The following JADE2 variants were observed in gnomAD, a reference collection of about 807,000 sequenced individuals.
The protein encoded by JADE2 is E3 ubiquitin-protein ligase Jade-2.
Under a neutral mutation model 85.7 loss-of-function variants are expected in JADE2, and 13 were observed. That is an observed-to-expected ratio of 0.15 (90% CI 0.10 to 0.24). The LOEUF (loss-of-function observed/expected upper bound fraction) is 0.24, where lower values mean the gene tolerates loss of function less well. JADE2 is among the 10% of genes least tolerant of loss of function. The pLI, the probability that JADE2 is intolerant of heterozygous loss-of-function variation, is 1.00. For synonymous variants in JADE2, 440 were observed against 456.1 expected (o/e 0.96, Z 0.45); for missense variants, 846 against 1,115.9 (o/e 0.76, Z 3.45).
chr5:134,535,937 T>A (rs1473987638), intron 2 of JADE2, 22 bp downstream of exon 2: 6 of 1,608,000 alleles, frequency 3.7e-6, no homozygotes, highest in Non-Finnish European at 5.1e-6. Flanking sequence ...CAGTTTGGGC[T>A]CCTACAGGGA....
At chr5:134,534,555 G>C (rs1169292282) in intron 1 of JADE2, among the ~76,000 whole-genome samples, 1 of 152,100 alleles carries the variant, frequency 6.6e-6, no homozygotes, top group African/African-American at 2.4e-5. Flanking sequence ...GAGAGATCTG[G>C]GTGTTCACAC....
intron 9 of JADE2, among the ~76,000 whole-genome samples, chr5:134,569,201 G>A (rs1212242234): frequency 6.6e-6 from 1 of 152,182 alleles, no homozygotes; most frequent in Non-Finnish European, 1.5e-5. Context: ...TGGCCCCTCA[G>A]CATTTGGCTC....
At chr5:134,571,190 C>T (rs1032261634) in intron 9 of JADE2, among the ~76,000 whole-genome samples, 1 of 152,236 alleles carries the variant, frequency 6.6e-6, no homozygotes, top group Non-Finnish European at 1.5e-5. Flanking sequence ...CCTGTAGGCA[C>T]CTGTGTCAGG....
At chr5:134,576,114 G>A (rs917944593) in intron 10 of JADE2, among the ~76,000 whole-genome samples, 2 of 152,126 alleles carry the variant, frequency 1.3e-5, no homozygotes, top group East Asian at 1.9e-4. Context: ...CTGGAGGATC[G>A]CTTGAGCCTG....
intron 1 of JADE2, among the ~76,000 whole-genome samples, chr5:134,534,298 C>T (rs1761446728): frequency 6.6e-6 from 1 of 152,022 alleles, no homozygotes; most frequent in African/African-American, 2.4e-5. Flanking sequence ...TGTGGAACCC[C>T]CTCCCGCTAC....
intron 8 of JADE2, among the ~76,000 whole-genome samples, chr5:134,565,833 A>G (rs1316207531): frequency 2.7e-5 from 4 of 150,580 alleles, no homozygotes; most frequent in Admixed American, 6.6e-5. Context: ...TCTCAAAAAA[A>G]AAAAAATGCA....
intron 11 of JADE2, among the ~76,000 whole-genome samples, chr5:134,577,497 G>T (rs574333566): frequency 6.6e-6 from 1 of 152,288 alleles, no homozygotes; most frequent in East Asian, 1.9e-4. Flanking sequence ...CTCTGGGATG[G>T]AAGCCCCAGG....
chr5:134,545,936 C>T (rs1296010500), intron 3 of JADE2, among the ~76,000 whole-genome samples: 1 of 152,078 alleles, frequency 6.6e-6, no homozygotes, highest in Non-Finnish European at 1.5e-5. Context: ...AGACAGATGT[C>T]CAGGAGAGAT....
intron 9 of JADE2, among the ~76,000 whole-genome samples, chr5:134,567,028 TGAAAGCCAGGGGCATC>T (rs1763684957): frequency 6.6e-6 from 1 of 152,194 alleles, no homozygotes; most frequent in Admixed American, 6.5e-5. Flanking sequence ...TAACCCATGC[TGAAAGCCAGGGGCATC>T]AAGAGCCAGG....
intron 7 of JADE2, among the ~76,000 whole-genome samples, chr5:134,563,161 C>CA (rs58111552): frequency 2.9e-4 from 43 of 148,318 alleles, no homozygotes; most frequent in South Asian, 2.6e-3. Context: ...ACTAAAAATA[C>CA]AAAAAAAAAA....
chr5:134,560,752 C>A lies in JADE2; in HGVS notation c.479C>A (p.Pro160Gln), dbSNP rs769854680. The A allele has an allele frequency of 1.2e-6, 2 of 1,612,998 alleles. No individual in the cohort carries two copies. Among genetic ancestry groups the A allele is most frequent in the African/African-American group, 1.3e-5 (1 of 74,900 alleles). The change falls in exon 6 of 12, where the codon CCG becomes CAG. Residue 160 changes from proline (P) to glutamine (Q), a missense_variant. Physicochemically the swap from Pro to Gln is moderately conservative, Grantham distance 76. Around this residue, in one of 9 missense-constraint regions of JADE2, gnomAD observed 129 missense variants for 255.4 expected, o/e 0.51. Coordinates refer to ENST00000681547, the MANE Select transcript of JADE2 (RefSeq NM_001388185.1). Reference sequence around the variant, plus strand: ...CCTGCTGTCCTCCTCACAGAGAGGCCGGAGCTGGACGAGCTGACATTAGAG... The same window carrying A: ...CCTGCTGTCCTCCTCACAGAGAGGCAGGAGCTGGACGAGCTGACATTAGAG... Reference protein sequence around the residue: ...INSELKEMERPELDELTLERV... With the variant: ...INSELKEMERQELDELTLERV...
At chr5:134,544,416 G>A (rs893262241) in intron 3 of JADE2, 3 of 166,954 alleles carry the variant, frequency 1.8e-5, no homozygotes, top group Non-Finnish European at 4.4e-5. Context: ...GACCCCAGGC[G>A]AGTGAGCCTC....
chr5:134,573,877 G>A (rs1764198543), intron 10 of JADE2, 115 bp downstream of exon 10: 3 of 788,902 alleles, frequency 3.8e-6, no homozygotes, highest in Non-Finnish European at 6.9e-6. Context: ...GGAGCCAAGG[G>A]CCACTGGCCC....
chr5:134,545,510 A>G (rs72798649), intron 3 of JADE2, among the ~76,000 whole-genome samples: 1 of 151,138 alleles, frequency 6.6e-6, no homozygotes, highest in Admixed American at 6.6e-5. Context: ...TTCGTGTTTT[A>G]TACTGAATTT....
chr5:134,566,245 G>T lies in JADE2; in HGVS notation c.1099G>T (p.Gly367Trp), dbSNP rs906068716. ...FKSFCQEHSD[G>W]GPRNEPTSEP... ...GTCATTCTGCCAGGAGCACAGTGAC[G>T]GGGGCCCACGTAATGAGCCCACATC... Residue 367 changes from glycine to tryptophan, a missense_variant, in exon 9 of 12, where the codon GGG becomes TGG. By Grantham distance (184) the Gly-to-Trp change is radical. This residue lies in a region of JADE2 where 39 missense variants were observed against 37.6 expected (regional missense o/e 1.04). Transcript: ENST00000681547. The surrounding 1 kb of genome is among the most constrained non-coding windows in gnomAD (Gnocchi z 6.7). The T allele has an allele frequency of 6.2e-7, 1 of 1,614,004 alleles. No individual in the cohort carries two copies.
intron 1 of JADE2, among the ~76,000 whole-genome samples, chr5:134,526,929 G>T (rs1760873572): frequency 6.6e-6 from 1 of 152,070 alleles, no homozygotes; most frequent in African/African-American, 2.4e-5. Flanking sequence ...GACGGCAGGG[G>T]GCGTGGCCCT....
At chr5:134,577,865 G>A (rs1764477599) in intron 11 of JADE2, among the ~76,000 whole-genome samples, 2 of 151,716 alleles carry the variant, frequency 1.3e-5, no homozygotes, top group Admixed American at 1.3e-4. Context: ...CATCCAGGAG[G>A]GACTGGATAC....
rs1324817683 is a variant in JADE2 at position 134,553,993 on chromosome 5, C to T, written c.311+1784C>T. ...CTTGTGTCCTGGCCTCCCCCACCCA[C>T]CAGTCTGCCTGGTCTGGGCAGCTTG... On this transcript the variant is annotated intron_variant, in intron 4 of 11. Transcript: ENST00000681547. Among the ~76,000 whole-genome samples the T allele has an allele frequency of 2.6e-5, 4 of 152,204 alleles. No homozygotes were observed. The East Asian group carries it at 7.7e-4, about 29-fold the overall frequency.
In JADE2 at chr5:134,538,080, C is replaced by T. The variant is rs764189413; in HGVS notation, c.150C>T (p.Ser50=). ...CCCGACAGAACGAAAAGAAGCCCTC[C>T]GAGGTGGGTAGTGATGAGCTTCCCA... The part of the protein sequence containing the change: ...GWPRQNEKKP[S]EVFRTDLITA... Residue 50 remains serine, a synonymous_variant, in exon 3 of 12, where the codon TCC becomes TCT. Coordinates refer to ENST00000681547, the MANE Select transcript of JADE2 (RefSeq NM_001388185.1). 6.8e-6 allele frequency: 11 copies of T among 1,612,580 alleles called. No individual in the cohort carries two copies. The highest frequency in any genetic ancestry group is 4.5e-5 in the East Asian group (2 of 44,890).
Sources: gnomAD v4.1 joint callset for allele counts (sites outside exome capture counted in the v4.1 genomes callset) on GRCh38, gnomAD v4.1.1 for gene constraint, gnomAD v4.1.1 regional missense constraint, Gnocchi (gnomAD v3.1) non-coding constraint, MANE v1.5 for transcripts, NCBI Gene and HGNC (gene_info 2026-07-23, HGNC 2026-07-21) for gene names.